SEMA6D: variants seen among roughly 807,000 people sequenced by gnomAD.
SEMA6D encodes semaphorin 6D.
Under a neutral mutation model 106.6 loss-of-function variants are expected in SEMA6D, and 35 were observed. The ratio of observed to expected loss-of-function variants is 0.33; its 90% CI spans 0.25 to 0.44. SEMA6D has a LOEUF of 0.44. Among genes scored for constraint, SEMA6D ranks in the 20% least tolerant of loss-of-function variants. SEMA6D has a pLI of 1.00. For missense variants in SEMA6D, 1,185 were observed against 1,345.9 expected (o/e 0.88, Z 1.87); for synonymous variants, 499 against 487.7 (o/e 1.02, Z -0.31).
At chr15:47,407,389 C>CAAAA (rs2040617329) in intron 1 of SEMA6D, among the ~76,000 whole-genome samples, 2 of 83,658 alleles carry the variant, frequency 2.4e-5, no homozygotes, top group East Asian at 3.8e-4. Context: ...AAAAAAAAAC[C>CAAAA]AAAACAACAA....
Position 47,545,419 on chromosome 15 carries a change from T to TTAGG in SEMA6D, c.-86-55445_-86-55442dup, listed in dbSNP as rs972675007. Among the ~76,000 whole-genome samples the TTAGG allele has an allele frequency of 1.3e-4, 20 of 152,234 alleles. No homozygotes were observed. In the East Asian group the frequency reaches 3.7e-3, roughly 28 times the overall value. ...TTGTCTGTCCTGAAAGATACATCCT[T>TTAGG]TAGGCTGTAATACCAAACCACATTA... On this transcript the variant is annotated intron_variant, in intron 3 of 19. Transcript: ENST00000558014.
At chr15:47,378,843 A>G (rs1467070512) in intron 1 of SEMA6D, among the ~76,000 whole-genome samples, 4 of 152,222 alleles carry the variant, frequency 2.6e-5, no homozygotes, top group South Asian at 4.1e-4. Context: ...CTAAGTTTAT[A>G]TCTTGCTTTC....
At chr15:47,750,250 C>T (rs541921527) in intron 1 of SEMA6D, among the ~76,000 whole-genome samples, 2 of 152,186 alleles carry the variant, frequency 1.3e-5, no homozygotes, top group East Asian at 3.9e-4. Flanking sequence ...GAGCCTGGAG[C>T]AGTGGGAATT....
At chr15:47,286,470 T>C (rs886860592) in intron 1 of SEMA6D, among the ~76,000 whole-genome samples, 1 of 152,210 alleles carries the variant, frequency 6.6e-6, no homozygotes, top group Admixed American at 6.5e-5. Context: ...AATGTATTAT[T>C]GTGAAAAGTA....
intron 1 of SEMA6D, among the ~76,000 whole-genome samples, chr15:47,191,030 G>A (rs886857294): frequency 2.0e-5 from 3 of 151,934 alleles, no homozygotes; most frequent in African/African-American, 4.8e-5. Context: ...AATAATAGCC[G>A]GGTGCAGTCA....
At chr15:47,635,428 A>T (rs1401002153) in intron 4 of SEMA6D, among the ~76,000 whole-genome samples, 1 of 152,186 alleles carries the variant, frequency 6.6e-6, no homozygotes, top group African/African-American at 2.4e-5. Flanking sequence ...AGCTCCCAAT[A>T]GGGTCCTTTG....
chr15:47,579,200 G>A (rs2076212559), intron 3 of SEMA6D, among the ~76,000 whole-genome samples: 1 of 150,294 alleles, frequency 6.7e-6, no homozygotes, highest in Non-Finnish European at 1.5e-5. Flanking sequence ...GGAGTGCAGT[G>A]GTGCCATTTC....
chr15:47,566,266 G>T (rs1310159914), intron 3 of SEMA6D, among the ~76,000 whole-genome samples: 1 of 152,214 alleles, frequency 6.6e-6, no homozygotes, highest in African/African-American at 2.4e-5. Flanking sequence ...GTCACCACCT[G>T]CTTTGACAGA....
At chr15:47,521,560 C>T (rs2044578506) in intron 3 of SEMA6D, among the ~76,000 whole-genome samples, 1 of 152,162 alleles carries the variant, frequency 6.6e-6, no homozygotes, top group Admixed American at 6.5e-5. Context: ...CTGCATCATG[C>T]CGTTTTAGAA....
chr15:47,308,033 A>ATTT (rs34204516), intron 1 of SEMA6D, among the ~76,000 whole-genome samples: 3 of 145,658 alleles, frequency 2.1e-5, no homozygotes, highest in Non-Finnish European at 3.0e-5. Context: ...TGGCCTGGCT[A>ATTT]TTTTTTTTTT....
intron 1 of SEMA6D, among the ~76,000 whole-genome samples, chr15:47,225,750 G>A (rs557399173): frequency 4.0e-5 from 6 of 151,830 alleles, no homozygotes; most frequent in East Asian, 3.9e-4. Context: ...GGCTGGTCTC[G>A]AACTCCTGAC....
chr15:47,270,054 C>T (rs968927153), intron 1 of SEMA6D, among the ~76,000 whole-genome samples: 24 of 150,804 alleles, frequency 1.6e-4, no homozygotes, highest in African/African-American at 5.3e-4. Flanking sequence ...TTCTAGATTA[C>T]GGAGTTCAAA....
rs139011197 is a variant in SEMA6D, at chr15:47,504,850, T to C, written c.-87+34305T>C. ...TTTTACCAGTCACTTCCCCGGGGAG[T>C]GTCTGCGGGAATCATCTCCATAGTG... is the stretch of plus-strand genomic sequence containing the variant. On this transcript the variant is annotated intron_variant, in intron 3 of 19. Transcript: ENST00000558014. 2.0e-5 allele frequency among the ~76,000 whole-genome samples: 3 copies of C among 151,960 alleles called. No homozygotes were observed. In the East Asian group the frequency reaches 5.8e-4, roughly 30 times the overall value.
rs76784871 is a variant in SEMA6D, at chr15:47,367,505, G to A, written c.-238-44888G>A. ...TGCCTTCTTGTATACTCAGCTATGG[G>A]GCATTTAATTTCTGGTTTCTGTTCA... On this transcript the variant is annotated intron_variant, in intron 1 of 19. Coordinates refer to the SEMA6D transcript ENST00000558014. Among the ~76,000 whole-genome samples, 1,287 of 151,982 alleles carry A rather than the reference G, an allele frequency of 8.5e-3. 12 individuals are homozygous for A. Among genetic ancestry groups the A allele is most frequent in the Non-Finnish European group, 0.014 (931 of 67,948 alleles).
At chr15:47,214,921 C>G (rs561998882) in intron 1 of SEMA6D, among the ~76,000 whole-genome samples, 131 of 151,940 alleles carry the variant, frequency 8.6e-4, no homozygotes, top group Non-Finnish European at 1.7e-3. Flanking sequence ...AATATAGTAT[C>G]ATCTGCACAT....
At chr15:47,691,771 A>G (rs2078591226) in intron 4 of SEMA6D, among the ~76,000 whole-genome samples, 1 of 152,004 alleles carries the variant, frequency 6.6e-6, no homozygotes, top group Non-Finnish European at 1.5e-5. Flanking sequence ...CCCTATATTG[A>G]GTGCCCACCA....
At chr15:47,659,682 G>C (rs1362304962) in intron 4 of SEMA6D, among the ~76,000 whole-genome samples, 1 of 151,884 alleles carries the variant, frequency 6.6e-6, no homozygotes, top group South Asian at 2.1e-4. Flanking sequence ...CCATGACAAA[G>C]GTCTGATTTT....
chr15:47,220,355 G>A (rs2031076799), intron 1 of SEMA6D, among the ~76,000 whole-genome samples: 1 of 152,168 alleles, frequency 6.6e-6, no homozygotes, highest in South Asian at 2.1e-4. Context: ...CTAGGTGATT[G>A]TAGTAACAGA....
intron 3 of SEMA6D, among the ~76,000 whole-genome samples, chr15:47,591,742 G>A (rs943221799): frequency 1.3e-5 from 2 of 152,152 alleles, no homozygotes; most frequent in Non-Finnish European, 2.9e-5. Context: ...GCAAATGTGT[G>A]GATGGAGAAT....
Sources: allele counts gnomAD v4.1 joint callset (sites outside exome capture counted in the v4.1 genomes callset), GRCh38; gene constraint gnomAD v4.1.1; transcripts MANE v1.5; gene names NCBI Gene and HGNC (gene_info 2026-07-23, HGNC 2026-07-21).